Variants in MINAR1 observed in about 807,000 individuals in gnomAD.
MINAR1 encodes the protein membrane integral NOTCH2 associated receptor 1.
In MINAR1, 40 loss-of-function variants were observed where a neutral mutation model predicts 65.1. The observed-to-expected ratio is 0.61, with a 90% CI of 0.48 to 0.80. The LOEUF (loss-of-function observed/expected upper bound fraction) is 0.80, where lower values mean the gene tolerates loss of function less well. MINAR1 is among the 30% of genes least tolerant of loss of function. The probability of loss-of-function intolerance (pLI) is 0.00; values close to 1 mark genes in which losing one functional copy is unlikely to be tolerated. For missense variants in MINAR1, 1,128 were observed against 1,148.0 expected (o/e 0.98, Z 0.25); for synonymous variants, 482 against 449.1 (o/e 1.07, Z -0.93).
the MINAR1 span, chr15:79,414,185 CCTTT>C: frequency 6.6e-6 from 1 of 152,160 alleles, no homozygotes; most frequent in Non-Finnish European, 1.5e-5. Context: ...GGGTTTCCTG[CCTTT>C]CTTTCTCTCC....
At chr15:79,436,116 T>C (rs1323708439) in intron 1 of MINAR1, among the ~76,000 whole-genome samples, 1 of 152,216 alleles carries the variant, frequency 6.6e-6, no homozygotes, top group Non-Finnish European at 1.5e-5. Context: ...TTGAGGATGA[T>C]GTGGAGCAGA....
In MINAR1 at chr15:79,468,169, T is replaced by A. The variant is rs999295625; in HGVS notation, c.2554-18T>A. 1.2e-6 allele frequency: 2 copies of A among 1,603,420 alleles called. No individual in the cohort carries two copies. Among genetic ancestry groups the A allele is most frequent in the Admixed American group, 1.7e-5 (1 of 59,810 alleles). On this transcript the variant is annotated intron_variant, in intron 3 of 3. Coordinates refer to ENST00000305428, the MANE Select transcript of MINAR1 (RefSeq NM_015206.3). ...TCAAGTATTCACTGTATTTCTAACA[T>A]CTTCTCTTCGCTTTTAGACGCAAGA... is the stretch of plus-strand genomic sequence containing the variant.
intron 1 of MINAR1, among the ~76,000 whole-genome samples, chr15:79,446,240 T>C (rs888713312): frequency 4.6e-5 from 7 of 152,186 alleles, no homozygotes; most frequent in Non-Finnish European, 1.0e-4. Flanking sequence ...CCAGATAACA[T>C]AGTAATTTAA....
the MINAR1 span, chr15:79,411,918 G>A: frequency 5.7e-6 from 1 of 175,308 alleles, no homozygotes; most frequent in Non-Finnish European, 1.2e-5. Flanking sequence ...TCTTCAGGGT[G>A]GTCTTGCCTG....
At chr15:79,437,312 TG>T (rs1894629020) in intron 1 of MINAR1, among the ~76,000 whole-genome samples, 1 of 151,962 alleles carries the variant, frequency 6.6e-6, no homozygotes, top group South Asian at 2.1e-4. Context: ...GGTGTGGGTA[TG>T]GGTGGGTAGT....
chr15:79,450,453 C>A (rs904872802), intron 1 of MINAR1, among the ~76,000 whole-genome samples: 1 of 151,868 alleles, frequency 6.6e-6, no homozygotes, highest in Non-Finnish European at 1.5e-5. Flanking sequence ...ACGAGAGCAC[C>A]CCCATTAATT....
rs1591668 is a variant in MINAR1, at chr15:79,444,140, G to T, written c.-51+11600G>T. 7.2e-3 allele frequency among the ~76,000 whole-genome samples: 1,099 copies of T among 152,186 alleles called. 45 individuals are homozygous for T. The East Asian group carries it at 0.13, about 18-fold the overall frequency. On this transcript the variant is annotated intron_variant, in intron 1 of 3. Transcript: ENST00000305428. ...GGCTGTGTGGCCTTTGACAAGTTAC[G>T]GACCTGCTCTGTGCTGGAGAAAATT...
Position 79,454,425 on chromosome 15 carries a change from G to A in MINAR1, c.-50-1673G>A, listed in dbSNP as rs142564135. Reference sequence around the variant, plus strand: ...AAAATGGGTTGGGTACATGTGAACTGTGTTAACTTTAAAATCAACAAATCA... The same window carrying A: ...AAAATGGGTTGGGTACATGTGAACTATGTTAACTTTAAAATCAACAAATCA... On this transcript the variant is annotated intron_variant, in intron 1 of 3. Transcript: ENST00000305428. 4.7e-3 allele frequency among the ~76,000 whole-genome samples: 711 copies of A among 152,314 alleles called. 9 individuals carry two copies. The highest frequency in any genetic ancestry group is 0.016 in the African/African-American group (672 of 41,568).
At chr15:79,428,254 T>C (rs1299176539), upstream of MINAR1, among the ~76,000 whole-genome samples, 2 of 91,026 alleles carry the variant, frequency 2.2e-5, no homozygotes, top group East Asian at 4.2e-4. Context: ...CCCTCCCTCC[T>C]TCCCTCCTTC....
At chr15:79,447,182 C>T (rs572036307) in intron 1 of MINAR1, among the ~76,000 whole-genome samples, 23 of 152,312 alleles carry the variant, frequency 1.5e-4, no homozygotes, top group African/African-American at 5.5e-4. Context: ...GCCACTGCCC[C>T]CGGCCAGTTT....
chr15:79,433,056 G>T (rs1894497314), intron 1 of MINAR1, among the ~76,000 whole-genome samples: 1 of 152,212 alleles, frequency 6.6e-6, no homozygotes, highest in East Asian at 1.9e-4. Context: ...TTCTTCCCGA[G>T]GGTTTGATAA....
chr15:79,445,865 G>T (rs1895003990), intron 1 of MINAR1, among the ~76,000 whole-genome samples: 2 of 152,100 alleles, frequency 1.3e-5, no homozygotes, highest in South Asian at 4.1e-4. Flanking sequence ...GTATTTTTAG[G>T]TATATCTCCT....
intron 1 of MINAR1, among the ~76,000 whole-genome samples, chr15:79,441,158 C>T (rs1262904887): frequency 6.6e-6 from 1 of 152,080 alleles, no homozygotes; most frequent in Non-Finnish European, 1.5e-5. Flanking sequence ...GCTTGCAAAT[C>T]CTTTCTTCTT....
At chr15:79,430,853 T>C (rs984768415), upstream of MINAR1, among the ~76,000 whole-genome samples, 6 of 152,236 alleles carry the variant, frequency 3.9e-5, no homozygotes. Flanking sequence ...TATCCATTTA[T>C]TAGCAAGTTC....
rs1484603801 is a variant in MINAR1, at chr15:79,470,468, A to G, written c.*2084A>G. The G allele has an allele frequency of 6.7e-6, 1 of 148,382 alleles. No individual in the cohort carries two copies. The highest frequency in any genetic ancestry group is 2.6e-5 in the African/African-American group (1 of 37,774). 9.2% of individuals were successfully genotyped at this position (148,382 alleles called of 1,614,324 possible). A position where few individuals can be genotyped will look rare whatever the true frequency, so the allele number is the denominator to read the frequency against. ...AGATGTACTTACCCAGGATAAGAAA[A>G]ATCTAGTCAAATCCACCCCAAATCT... On this transcript the variant is annotated 3_prime_UTR_variant, in exon 4 of 4. Coordinates refer to ENST00000305428, the MANE Select transcript of MINAR1 (RefSeq NM_015206.3).
intron 1 of MINAR1, among the ~76,000 whole-genome samples, chr15:79,454,058 T>C (rs1312417983): frequency 6.6e-6 from 1 of 152,216 alleles, no homozygotes; most frequent in Non-Finnish European, 1.5e-5. Flanking sequence ...ATTCATTTAC[T>C]TGAGACCCCT....
At chr15:79,440,718 A>T (rs1445699096) in intron 1 of MINAR1, among the ~76,000 whole-genome samples, 1 of 152,060 alleles carries the variant, frequency 6.6e-6, no homozygotes, top group Admixed American at 6.6e-5. Context: ...CTCCTTCAGG[A>T]CCACATTCAA....
intron 2 of MINAR1, 51 bp from the exon 3 acceptor site, chr15:79,463,016 A>G (rs748934917): frequency 1.9e-6 from 3 of 1,570,614 alleles, no homozygotes; most frequent in East Asian, 4.5e-5. Context: ...GCACTGTGAA[A>G]TCCAAGGGCA....
At chr15:79,435,276 C>CAAA (rs35709335) in intron 1 of MINAR1, among the ~76,000 whole-genome samples, 3 of 140,926 alleles carry the variant, frequency 2.1e-5, no homozygotes, top group African/African-American at 8.2e-5. Context: ...AAATCCGTCT[C>CAAA]AAAAAAAAAA....
Sources: gnomAD v4.1 joint callset for allele counts (sites outside exome capture counted in the v4.1 genomes callset) on GRCh38, gnomAD v4.1.1 for gene constraint, MANE v1.5 for transcripts, NCBI Gene and HGNC (gene_info 2026-07-23, HGNC 2026-07-21) for gene names.